Variants in FAM186B observed in about 807,000 individuals in gnomAD.
FAM186B encodes protein FAM186B.
A neutral mutation model predicts 83.4 loss-of-function variants in FAM186B; 68 were observed. The observed-to-expected ratio is 0.81, with a 90% CI of 0.67 to 1.00. The LOEUF is 1.00. FAM186B is among the 50% of genes least tolerant of loss of function. FAM186B has a pLI of 0.00. For synonymous variants in FAM186B, 389 were observed against 422.0 expected (o/e 0.92, Z 0.96); for missense variants, 983 against 1,099.2 (o/e 0.89, Z 1.49).
the FAM186B span, among the ~76,000 whole-genome samples, chr12:49,612,517 T>C: frequency 6.6e-6 from 1 of 151,700 alleles, no homozygotes; most frequent in Non-Finnish European, 1.5e-5. Context: ...TAAAACATTA[T>C]GAGGTTTTTT....
In FAM186B at chr12:49,599,969, C is replaced by T. The variant is rs1939834770; in HGVS notation, c.1671G>A (p.Arg557=). Residue 557 remains arginine (R), a synonymous_variant, in exon 4 of 7, where the codon AGG becomes AGA. Transcript: ENST00000257894. Reference sequence around the variant, plus strand: ...ATCGACTGGTGGGTGTGAAGATCCTCCTCTCCACATCCTCCCCTAGCTGCT... The same window carrying T: ...ATCGACTGGTGGGTGTGAAGATCCTTCTCTCCACATCCTCCCCTAGCTGCT... ...EPEQLGEDVE[R]RIFTPTSRWR... The T allele has an allele frequency of 2.5e-6, 4 of 1,613,872 alleles. No individual in the cohort carries two copies. The highest frequency in any genetic ancestry group is 1.3e-5 in the African/African-American group (1 of 75,008).
the FAM186B span, among the ~76,000 whole-genome samples, chr12:49,620,810 A>C: frequency 6.6e-6 from 1 of 152,216 alleles, no homozygotes; most frequent in Non-Finnish European, 1.5e-5. Flanking sequence ...CACTTTTTAA[A>C]TGGAGAAAAT....
the FAM186B span, among the ~76,000 whole-genome samples, chr12:49,617,868 G>C: frequency 6.6e-6 from 1 of 152,224 alleles, no homozygotes; most frequent in African/African-American, 2.4e-5. Flanking sequence ...GTGGAAGCCA[G>C]ATGGATGAGA....
chr12:49,606,231 C>T (rs1012688768), upstream of FAM186B, among the ~76,000 whole-genome samples: 4 of 152,046 alleles, frequency 2.6e-5, no homozygotes, highest in Non-Finnish European at 4.4e-5. Flanking sequence ...CAGTGGCTCA[C>T]GCCTGTAATC....
At chr12:49,597,504 A>T (rs1386486975) in intron 5 of FAM186B, among the ~76,000 whole-genome samples, 2 of 152,226 alleles carry the variant, frequency 1.3e-5, no homozygotes, top group African/African-American at 4.8e-5. Flanking sequence ...CAAAGGATAC[A>T]CAGTAGCAAA....
Position 49,587,511 on chromosome 12 carries a change from C to G in FAM186B, c.*94G>C. 1.3e-6 allele frequency: 2 copies of G among 1,533,608 alleles called. No homozygotes were observed. The highest frequency in any genetic ancestry group is 1.1e-5 in the South Asian group (1 of 88,970). The stretch of plus-strand genomic sequence containing the variant: ...ATAGCAAATGAGGTCATTGTTAAAG[C>G]CTGGAGAGAGATTTATTGGGGAGAA... On this transcript the variant is annotated 3_prime_UTR_variant, in exon 7 of 7. Coordinates refer to ENST00000257894, the MANE Select transcript of FAM186B (RefSeq NM_032130.3).
upstream of FAM186B, chr12:49,605,706 TCTAG>T (rs1216610458): frequency 2.2e-6 from 1 of 445,798 alleles, no homozygotes. Flanking sequence ...CTCCCCACTA[TCTAG>T]CTTTTTGTCC....
chr12:49,621,939 G>A, the FAM186B span, among the ~76,000 whole-genome samples: 62 of 152,364 alleles, frequency 4.1e-4, no homozygotes, highest in Non-Finnish European at 7.2e-4. Context: ...GATGGGGGCA[G>A]GGCTCTGCTG....
At chr12:49,620,602 G>C in the FAM186B span, among the ~76,000 whole-genome samples, 6 of 152,086 alleles carry the variant, frequency 3.9e-5, no homozygotes, top group Admixed American at 1.3e-4. Flanking sequence ...AATCTAGGAA[G>C]CTTACAATAG....
At chr12:49,605,150 C>T (rs1592557615) in intron 1 of FAM186B, 2 of 1,358,962 alleles carry the variant, frequency 1.5e-6, no homozygotes, top group East Asian at 3.1e-5. Flanking sequence ...AGCTTCCTGC[C>T]CCCTTCCCGG....
chr12:49,598,808 G>A lies in FAM186B; in HGVS notation c.2311C>T (p.Leu771=), dbSNP rs753263477. Residue 771 remains leucine (L), a synonymous_variant, in exon 5 of 7, where the codon CTG becomes TTG. Coordinates refer to ENST00000257894, the MANE Select transcript of FAM186B (RefSeq NM_032130.3). ...AGGCACTCTCGGTGCTTCTCCTCCA[G>A]CCCCTTCTGCTTGTCCGTCCAGGCC... is the stretch of plus-strand genomic sequence containing the variant. ...LQAWTDKQKG[L]EEKHRECLSS... 1.2e-6 allele frequency: 2 copies of A among 1,612,708 alleles called. No individual in the cohort carries two copies. The highest frequency in any genetic ancestry group is 1.7e-6 in the Non-Finnish European group (2 of 1,179,800).
Position 49,600,138 on chromosome 12 carries a change from TGCCACATCTCCTCCTCCTCCA to T in FAM186B, c.1481_1501del (p.Leu494_Trp500del). 1 of 1,613,848 alleles carries T rather than the reference TGCCACATCTCCTCCTCCTCCA, an allele frequency of 6.2e-7. No homozygotes were observed. Among genetic ancestry groups the T allele is most frequent in the Non-Finnish European group, 8.5e-7 (1 of 1,179,828 alleles). On this transcript the variant is annotated inframe_deletion, in exon 4 of 7. Coordinates refer to ENST00000257894, the MANE Select transcript of FAM186B (RefSeq NM_032130.3). This position sits in a 1 kb window ranked among gnomAD's most constrained non-coding sequence, Gnocchi z 4.3. Reference sequence around the variant, plus strand: ...CAGGGCCCACTTCTTCTGCCGCTGCTGCCACATCTCCTCCTCCTCCAGCCACAGCTGCCTCCGCATCTCCCG... The same window carrying T: ...CAGGGCCCACTTCTTCTGCCGCTGCTGCCACAGCTGCCTCCGCATCTCCCG...
chr12:49,604,677 T>C lies in FAM186B; in HGVS notation c.97-139A>G, dbSNP rs545563849. ...ATATTTAAAGTGGGAATCATTATAG[T>C]ACCTATGTCACAGGGTTTCTGTAAG... On this transcript the variant is annotated intron_variant, in intron 1 of 6. Coordinates refer to ENST00000257894, the MANE Select transcript of FAM186B (RefSeq NM_032130.3). The C allele has an allele frequency of 5.2e-5, 33 of 640,370 alleles. No individual in the cohort carries two copies. The African/African-American group carries it at 6.0e-4, about 12-fold the overall frequency. 39.7% of individuals were successfully genotyped at this position (640,370 alleles called of 1,614,324 possible).
the FAM186B span, among the ~76,000 whole-genome samples, chr12:49,621,401 G>A: frequency 6.6e-6 from 1 of 152,096 alleles, no homozygotes; most frequent in Non-Finnish European, 1.5e-5. Context: ...AAAAGAATGA[G>A]GCAAAGAACA....
At position 49,600,576 on chromosome 12, in the gene FAM186B, T is replaced by A; in HGVS notation, c.1064A>T (p.Glu355Val). ...ETLPRKETVM[E>V]ESQQEPMKEE... is the part of the protein sequence containing the mutation. Reference sequence around the variant, plus strand: ...CTTCATCGGTTCCTGTTGGCTTTCCTCCATGACTGTTTCTTTCCTTGGGAG... The same window carrying A: ...CTTCATCGGTTCCTGTTGGCTTTCCACCATGACTGTTTCTTTCCTTGGGAG... Residue 355 changes from glutamate to valine, a missense_variant, in exon 4 of 7, where the codon GAG (glutamate) becomes GTG (valine). By Grantham distance (121) the Glu-to-Val change is moderately radical. Transcript: ENST00000257894. This position sits in a 1 kb window ranked among gnomAD's most constrained non-coding sequence, Gnocchi z 4.3. 1 of 1,613,002 alleles carries A rather than the reference T, an allele frequency of 6.2e-7. No individual in the cohort carries two copies. The highest frequency in any genetic ancestry group is 8.5e-7 in the Non-Finnish European group (1 of 1,179,514).
chr12:49,599,391 C>A, intron 4 of FAM186B, 78 bp downstream of exon 4: 1 of 1,462,022 alleles, frequency 6.8e-7, no homozygotes, highest in Non-Finnish European at 9.0e-7. Flanking sequence ...GCCCTGTGTT[C>A]CTTCTCTCCC....
Position 49,601,085 on chromosome 12 carries a change from T to C in FAM186B, c.555A>G (p.Thr185=). Reference sequence around the variant, plus strand: ...TTAGTGGCTGAGGATGGGATGGAGATGTCTGTGGGCTTCTTCCCTGCCAGC... The same window carrying C: ...TTAGTGGCTGAGGATGGGATGGAGACGTCTGTGGGCTTCTTCCCTGCCAGC... ...WQGWQGRSPQ[T]SPSHPQPLSP... Residue 185 remains threonine (T), a synonymous_variant, in exon 4 of 7, where the codon ACA becomes ACG. Coordinates refer to ENST00000257894, the MANE Select transcript of FAM186B (RefSeq NM_032130.3). The C allele has an allele frequency of 1.9e-6, 3 of 1,599,342 alleles. No individual in the cohort carries two copies. Among genetic ancestry groups the C allele is most frequent in the Non-Finnish European group, 2.6e-6 (3 of 1,170,712 alleles).
chr12:49,601,403 T>C (rs1195926854), intron 3 of FAM186B, among the ~76,000 whole-genome samples: 1 of 152,192 alleles, frequency 6.6e-6, no homozygotes, highest in African/African-American at 2.4e-5. Context: ...CCAGCACAGC[T>C]CACTGCAGCA....
chr12:49,598,611 CT>C, intron 5 of FAM186B, 143 bp downstream of exon 5: 1 of 753,908 alleles, frequency 1.3e-6, no homozygotes, highest in Non-Finnish European at 2.1e-6. Flanking sequence ...GGTGCAGAGG[CT>C]TTATCCTGCC....
Sources: allele counts gnomAD v4.1 joint callset (sites outside exome capture counted in the v4.1 genomes callset), GRCh38; gene constraint gnomAD v4.1.1; non-coding constraint Gnocchi (gnomAD v3.1); transcripts MANE v1.5; gene names NCBI Gene and HGNC (gene_info 2026-07-23, HGNC 2026-07-21).